The following AK2 variants were observed in gnomAD, a reference collection of about 807,000 sequenced individuals.
The protein encoded by AK2 is adenylate kinase 2.
A neutral mutation model predicts 24.6 loss-of-function variants in AK2; 15 were observed. The ratio of observed to expected loss-of-function variants is 0.61; its 90% CI spans 0.41 to 0.94. AK2 has a LOEUF of 0.94. Ranked by LOEUF, AK2 falls within the 40% of genes least tolerant of loss-of-function variation. AK2 has a pLI of 0.00. For synonymous variants in AK2, 102 were observed against 114.0 expected (o/e 0.90, Z 0.67); for missense variants, 257 against 304.1 (o/e 0.85, Z 1.15).
chr1:33,021,913 TACAC>T, intron 2 of AK2, among the ~76,000 whole-genome samples: 1 of 152,258 alleles, frequency 6.6e-6, no homozygotes, highest in Non-Finnish European at 1.5e-5. Context: ...GGTTGCCAAA[TACAC>T]ACTCTCGTCT....
In AK2 at chr1:33,021,146, A is replaced by G. The variant is rs1639524128; in HGVS notation, c.425+221T>C. ...GGGCGACAGAGTTAGACTCCCATCT[A>G]AAAAAAAAAAGTGACAAGAATGAGA... On this transcript the variant is annotated intron_variant, in intron 4 of 5. Coordinates refer to ENST00000672715, the MANE Select transcript of AK2 (RefSeq NM_001625.4). Among the ~76,000 whole-genome samples the G allele has an allele frequency of 2.1e-5, 3 of 145,260 alleles. No homozygotes were observed. In the South Asian group the frequency reaches 6.5e-4, roughly 32 times the overall value.
intron 1 of AK2, chr1:33,032,494 G>A (rs189818745): frequency 4.3e-4 from 65 of 152,290 alleles, no homozygotes; most frequent in African/African-American, 1.4e-3. Context: ...CCATATCACG[G>A]GGTAACGAAA....
chr1:33,018,863 A>T (rs1639354621), intron 4 of AK2, among the ~76,000 whole-genome samples: 1 of 152,088 alleles, frequency 6.6e-6, no homozygotes, highest in South Asian at 2.1e-4. Flanking sequence ...GGACCAAGCT[A>T]ATGTTCTTAG....
chr1:33,009,429 A>G lies in AK2; in HGVS notation c.*3752T>C. Reference sequence around the variant, plus strand: ...AGGATTAGAAGCACTGGCTTTCTAGACTATGGACAAGTGTCCATTCAACAG... The same window carrying G: ...AGGATTAGAAGCACTGGCTTTCTAGGCTATGGACAAGTGTCCATTCAACAG... On this transcript the variant is annotated 3_prime_UTR_variant, in exon 6 of 6. Coordinates refer to ENST00000672715, the MANE Select transcript of AK2 (RefSeq NM_001625.4). 3 of 454,148 alleles carry G rather than the reference A, an allele frequency of 6.6e-6. No individual in the cohort carries two copies. The highest frequency in any genetic ancestry group is 4.7e-5 in the South Asian group (3 of 64,482). The allele number at this position is 454,148 out of a possible 1,614,324, so 28.1% of individuals were successfully genotyped here.
chr1:33,021,746 C>G, intron 2 of AK2, 43 bp from the exon 3 acceptor site: 1 of 1,480,932 alleles, frequency 6.8e-7, no homozygotes, highest in Non-Finnish European at 9.4e-7. Context: ...AAATCCATTA[C>G]CTAGGTGACT....
Position 33,012,612 on chromosome 1 carries a change from C to T in AK2, c.*569G>A, listed in dbSNP as rs1638895227. 3 of 1,290,252 alleles carry T rather than the reference C, an allele frequency of 2.3e-6. No homozygotes were observed. The highest frequency in any genetic ancestry group is 3.0e-6 in the Non-Finnish European group (3 of 990,910). The allele number at this position is 1,290,252 out of a possible 1,614,324, so 79.9% of individuals were successfully genotyped here. A position where few individuals can be genotyped will look rare whatever the true frequency, so the allele number is the denominator to read the frequency against. ...AAAGTATGGTTAAAGAAGTAAACAGCTGGGCTGGGTGTAGTGGCTCACGTC... is the reference window on the plus strand; with the variant it reads ...AAAGTATGGTTAAAGAAGTAAACAGTTGGGCTGGGTGTAGTGGCTCACGTC... On this transcript the variant is annotated 3_prime_UTR_variant, in exon 6 of 6. Coordinates refer to ENST00000672715, the MANE Select transcript of AK2 (RefSeq NM_001625.4).
Position 33,010,055 on chromosome 1 carries a change from G to C in AK2, c.*3126C>G. 2.2e-6 allele frequency: 1 copy of C among 454,612 alleles called. No individual in the cohort carries two copies. The highest frequency in any genetic ancestry group is 4.4e-6 in the Non-Finnish European group (1 of 226,806). 28.2% of individuals were successfully genotyped at this position (454,612 alleles called of 1,614,324 possible). Reference sequence around the variant, plus strand: ...CAGTCACAGGATTTGAGAATGGAAAGGACAATCTTTGGATGACATAGCTTA... The same window carrying C: ...CAGTCACAGGATTTGAGAATGGAAACGACAATCTTTGGATGACATAGCTTA... On this transcript the variant is annotated 3_prime_UTR_variant, in exon 6 of 6. Coordinates refer to ENST00000672715, the MANE Select transcript of AK2 (RefSeq NM_001625.4).
At chr1:33,015,328 A>C (rs1414690519) in intron 4 of AK2, among the ~76,000 whole-genome samples, 2 of 152,224 alleles carry the variant, frequency 1.3e-5, no homozygotes, top group Non-Finnish European at 2.9e-5. Flanking sequence ...TTTGGCACTG[A>C]ATGTATAGTG....
In AK2 at chr1:33,010,135, G is replaced by A. The variant is rs1638710855; in HGVS notation, c.*3046C>T. The A allele has an allele frequency of 6.6e-6, 3 of 454,216 alleles. No homozygotes were observed. Among genetic ancestry groups the A allele is most frequent in the South Asian group, 1.6e-5 (1 of 64,488 alleles). The allele number at this position is 454,216 out of a possible 1,614,324, so 28.1% of individuals were successfully genotyped here. On this transcript the variant is annotated 3_prime_UTR_variant, in exon 6 of 6. Transcript: ENST00000672715. ...CCTTCACACAGTGCAGATAAAAGAA[G>A]GCAAGAGCATAGGATTGTGGCATGT... is the stretch of plus-strand genomic sequence containing the variant.
chr1:33,028,612 T>C (rs904079870), intron 1 of AK2, among the ~76,000 whole-genome samples: 3 of 152,122 alleles, frequency 2.0e-5, no homozygotes, highest in African/African-American at 7.2e-5. Context: ...AAACTACACT[T>C]TGAAGAGCAG....
chr1:33,010,361 A>G lies in AK2; in HGVS notation c.*2820T>C, dbSNP rs370568856. 3.6e-4 allele frequency: 170 copies of G among 466,482 alleles called. No individual in the cohort carries two copies. In the East Asian group the frequency reaches 3.6e-3, roughly 10 times the overall value. 28.9% of individuals were successfully genotyped at this position (466,482 alleles called of 1,614,324 possible). A position where few individuals can be genotyped will look rare whatever the true frequency, so the allele number is the denominator to read the frequency against. On this transcript the variant is annotated 3_prime_UTR_variant, in exon 6 of 6. Coordinates refer to ENST00000672715, the MANE Select transcript of AK2 (RefSeq NM_001625.4). Reference sequence around the variant, plus strand: ...AATGTGGAGATGGTTTTTTGATCTTACAGTGTGTGGAACCGGAGTCAGTAA... The same window carrying G: ...AATGTGGAGATGGTTTTTTGATCTTGCAGTGTGTGGAACCGGAGTCAGTAA...
chr1:33,011,474 G>A lies in AK2; in HGVS notation c.*1707C>T, dbSNP rs1387588709. ...TGGACCAGGCAAAGAGGGAAGCAAG[G>A]TGGCCAGGTACTCATGCCCAGTTGC... On this transcript the variant is annotated 3_prime_UTR_variant, in exon 6 of 6. Transcript: ENST00000672715. The A allele has an allele frequency of 2.3e-6, 3 of 1,287,274 alleles. No individual in the cohort carries two copies. Among genetic ancestry groups the A allele is most frequent in the African/African-American group, 1.5e-5 (1 of 65,804 alleles). 79.7% of individuals were successfully genotyped at this position (1,287,274 alleles called of 1,614,324 possible). A position where few individuals can be genotyped will look rare whatever the true frequency, so the allele number is the denominator to read the frequency against.
In AK2 at chr1:33,013,409, A is replaced by T; in HGVS notation, c.499-7T>A. The T allele has an allele frequency of 1.9e-6, 3 of 1,601,660 alleles. No homozygotes were observed. The highest frequency in any genetic ancestry group is 2.6e-6 in the Non-Finnish European group (3 of 1,173,724). On this transcript the variant is annotated splice_region_variant and splice_polypyrimidine_tract_variant and intron_variant, in intron 5 of 5. Transcript: ENST00000672715. ...TCAAGGGTTCCCCGGTGATCTGAGAACAGGAAGACAGCAATGAAAGGCTGG... is the reference window on the plus strand; with the variant it reads ...TCAAGGGTTCCCCGGTGATCTGAGATCAGGAAGACAGCAATGAAAGGCTGG...
rs566372588 is a variant in AK2, at chr1:33,012,364, C to T, written c.*817G>A. On this transcript the variant is annotated 3_prime_UTR_variant, in exon 6 of 6. Transcript: ENST00000672715. ...CACCTAGGGGGAAAAAATTAATGAT[C>T]CCTGTTCACACACTGACTCACGTGG... 7 of 1,526,114 alleles carry T rather than the reference C, an allele frequency of 4.6e-6. No individual in the cohort carries two copies. Among genetic ancestry groups the T allele is most frequent in the Admixed American group, 3.9e-5 (2 of 50,732 alleles). The allele number at this position is 1,526,114 out of a possible 1,614,324, so 94.5% of individuals were successfully genotyped here.
At chr1:33,022,229 A>AT (rs1343040188) in intron 2 of AK2, among the ~76,000 whole-genome samples, 1 of 151,660 alleles carries the variant, frequency 6.6e-6, no homozygotes, top group Non-Finnish European at 1.5e-5. Context: ...AACGTGACTG[A>AT]TGTGTGTACT....
intron 5 of AK2, 143 bp from the exon 6 acceptor site, chr1:33,013,545 C>A: frequency 1.4e-6 from 2 of 1,450,736 alleles, no homozygotes; most frequent in South Asian, 1.3e-5. Flanking sequence ...GACAGGCAAT[C>A]CAGACCCTCT....
At position 33,012,983 on chromosome 1, in the gene AK2, TGCACACAC is replaced by T. The variant is rs774286834; in HGVS notation, c.*190_*197del. ...GTAGCAGAGTGAACACATATGTGCA[TGCACACAC>T]ACACACACACAACACACATACACAC... On this transcript the variant is annotated 3_prime_UTR_variant, in exon 6 of 6. Transcript: ENST00000672715. 7 of 1,573,786 alleles carry T rather than the reference TGCACACAC, an allele frequency of 4.4e-6. No individual in the cohort carries two copies. The African/African-American group carries it at 8.1e-5, about 18-fold the overall frequency.
rs540070181 is a variant in AK2, at chr1:33,013,473, G to A, written c.499-71C>T. On this transcript the variant is annotated intron_variant, in intron 5 of 5. Coordinates refer to ENST00000672715, the MANE Select transcript of AK2 (RefSeq NM_001625.4). ...GTTTTCTTATTCCATGCCAGATGCA[G>A]ATTTGAGATGGGACCATTCTGCCCA... 1.8e-3 allele frequency: 2,753 copies of A among 1,557,304 alleles called. 4 individuals carry two copies. The highest frequency in any genetic ancestry group is 2.2e-3 in the Non-Finnish European group (2,569 of 1,150,156).
intron 2 of AK2, 124 bp downstream of exon 2, chr1:33,024,318 G>A (rs1228503772): frequency 3.7e-6 from 5 of 1,336,888 alleles, no homozygotes; most frequent in Non-Finnish European, 4.2e-6. Flanking sequence ...GTGCAACTGA[G>A]GAACTGATTT....
Sources: gnomAD v4.1 joint callset for allele counts (sites outside exome capture counted in the v4.1 genomes callset) on GRCh38, gnomAD v4.1.1 for gene constraint, MANE v1.5 for transcripts, NCBI Gene and HGNC (gene_info 2026-07-23, HGNC 2026-07-21) for gene names.